FBXL2: variants seen among roughly 807,000 people sequenced by gnomAD.
FBXL2 encodes the protein F-box and leucine rich repeat protein 2.
FBXL2 carries 38 observed loss-of-function variants against 69.2 expected under a neutral mutation model. That is an observed-to-expected ratio of 0.55 (90% confidence interval 0.42 to 0.72). FBXL2 has a LOEUF of 0.72. Among genes scored for constraint, FBXL2 ranks in the 30% least tolerant of loss-of-function variants. The pLI is 0.00. For synonymous variants in FBXL2, 192 were observed against 201.3 expected (o/e 0.95, Z 0.39); for missense variants, 354 against 520.3 (o/e 0.68, Z 3.11).
intron 2 of FBXL2, among the ~76,000 whole-genome samples, chr3:33,317,206 G>T (rs967617137): frequency 7.2e-5 from 11 of 152,038 alleles, no homozygotes; most frequent in Non-Finnish European, 1.5e-4. Context: ...CCTAATATAT[G>T]AATTTTTCAT....
At chr3:33,380,453 G>A (rs758211653) in intron 13 of FBXL2, among the ~76,000 whole-genome samples, 60 of 151,568 alleles carry the variant, frequency 4.0e-4, no homozygotes, top group Middle Eastern at 3.4e-3. Context: ...AGCTACTAGG[G>A]AGGCTGAGGC....
chr3:33,350,824 A>T (rs1350291512), intron 2 of FBXL2, among the ~76,000 whole-genome samples: 1 of 152,130 alleles, frequency 6.6e-6, no homozygotes, highest in Non-Finnish European at 1.5e-5. Flanking sequence ...CCTGTTAATC[A>T]CAGTATTGGA....
the FBXL2 span, among the ~76,000 whole-genome samples, chr3:33,410,989 C>T: frequency 6.6e-6 from 1 of 150,812 alleles, no homozygotes; most frequent in African/African-American, 2.4e-5. Context: ...ATGAGAAGAG[C>T]TTGAATCTGG....
chr3:33,361,040 T>C (rs2041586951), intron 4 of FBXL2, among the ~76,000 whole-genome samples: 1 of 146,358 alleles, frequency 6.8e-6, no homozygotes, highest in South Asian at 2.3e-4. Context: ...CATGCGATTC[T>C]CCTGCCTCAG....
intron 2 of FBXL2, among the ~76,000 whole-genome samples, chr3:33,311,595 A>C (rs1304599890): frequency 6.6e-6 from 1 of 151,296 alleles, no homozygotes; most frequent in African/African-American, 2.4e-5. Context: ...TTTTCAGTTA[A>C]GTCATTGTGT....
At chr3:33,306,808 G>C (rs565056235) in intron 2 of FBXL2, among the ~76,000 whole-genome samples, 2 of 152,170 alleles carry the variant, frequency 1.3e-5, no homozygotes, top group African/African-American at 4.8e-5. Context: ...ACAATGTTTG[G>C]TTTTATCTTT....
chr3:33,315,591 T>A (rs927563329), intron 2 of FBXL2, among the ~76,000 whole-genome samples: 1 of 152,188 alleles, frequency 6.6e-6, no homozygotes, highest in Non-Finnish European at 1.5e-5. Flanking sequence ...CTTTTTTGTT[T>A]ACTCACTTTG....
rs975566139 is a variant in FBXL2, at chr3:33,332,573, G to A, written c.66-26394G>A. On this transcript the variant is annotated intron_variant, in intron 2 of 14. Transcript: ENST00000484457. ...TGAACTAATTGTGGTATAGTCATGCGTCACTTGACAGTGGAGCTGTATTTT... is the reference window on the plus strand; with the variant it reads ...TGAACTAATTGTGGTATAGTCATGCATCACTTGACAGTGGAGCTGTATTTT... 7.2e-5 allele frequency among the ~76,000 whole-genome samples: 11 copies of A among 152,216 alleles called. No individual in the cohort carries two copies. In the East Asian group the frequency reaches 9.6e-4, roughly 13 times the overall value.
In FBXL2 at chr3:33,373,574, T is replaced by A. The variant is rs768601920; in HGVS notation, c.456-4T>A. ...ACATAAGTTTTTGTTTCTTGTTCTC[T>A]CAGTGAGGGCTGCCGAAACCTGGAG... On this transcript the variant is annotated splice_polypyrimidine_tract_variant and splice_region_variant and intron_variant, in intron 7 of 14. Coordinates refer to ENST00000484457, the MANE Select transcript of FBXL2 (RefSeq NM_012157.5). 21 of 1,614,052 alleles carry A rather than the reference T, an allele frequency of 1.3e-5. No individual in the cohort carries two copies. The highest frequency in any genetic ancestry group is 1.4e-5 in the Non-Finnish European group (17 of 1,180,030).
chr3:33,334,569 A>T (rs1444530938), intron 2 of FBXL2, among the ~76,000 whole-genome samples: 1 of 152,244 alleles, frequency 6.6e-6, no homozygotes, highest in Admixed American at 6.5e-5. Flanking sequence ...AAGAGGTCTA[A>T]CATACATATA....
chr3:33,377,969 C>T (rs1252724766), intron 11 of FBXL2, 134 bp from the exon 12 acceptor site: 9 of 834,078 alleles, frequency 1.1e-5, no homozygotes, highest in African/African-American at 1.7e-5. Context: ...TACTGGGTAG[C>T]TTTAGGAAGA....
chr3:33,306,247 G>A (rs941103859), intron 2 of FBXL2, among the ~76,000 whole-genome samples: 2 of 149,394 alleles, frequency 1.3e-5, no homozygotes, highest in African/African-American at 2.5e-5. Context: ...TGACCCATAC[G>A]TGTTTTTTTA....
chr3:33,359,058 C>T, intron 3 of FBXL2, 37 bp downstream of exon 3: 8 of 1,373,802 alleles, frequency 5.8e-6, no homozygotes, highest in Non-Finnish European at 7.9e-6. Flanking sequence ...CAATAAATAT[C>T]AAGTTTTATT....
downstream of FBXL2, chr3:33,390,556 C>T (rs2043719477): frequency 1.6e-6 from 1 of 627,328 alleles, no homozygotes; most frequent in Non-Finnish European, 2.8e-6. Flanking sequence ...GTACACATTC[C>T]CTTTTTAGAC....
the FBXL2 span, chr3:33,416,658 T>C: frequency 3.3e-6 from 3 of 909,270 alleles, no homozygotes; most frequent in Non-Finnish European, 3.3e-6. Flanking sequence ...GTTAAAAAGT[T>C]GTAATACAAC....
chr3:33,401,920 T>G (rs525261), intron 12 of FBXL2, among the ~76,000 whole-genome samples: 111,811 of 151,986 alleles, frequency 0.74, 42,130 homozygotes, highest in Non-Finnish European at 0.84. Context: ...ACTCCTCTAA[T>G]TTTCTGAGTC....
At chr3:33,326,083 A>G (rs1208305051) in intron 2 of FBXL2, among the ~76,000 whole-genome samples, 1 of 152,228 alleles carries the variant, frequency 6.6e-6, no homozygotes, top group Non-Finnish European at 1.5e-5. Context: ...ATCAAACAAC[A>G]AAAGTACATA....
At chr3:33,382,267 TAAA>T (rs1280412878) in intron 13 of FBXL2, among the ~76,000 whole-genome samples, 3 of 152,156 alleles carry the variant, frequency 2.0e-5, no homozygotes, top group Admixed American at 6.5e-5. Context: ...TTTACTGAAG[TAAA>T]ATATACATGT....
intron 12 of FBXL2, chr3:33,396,341 A>C: frequency 8.2e-7 from 1 of 1,225,684 alleles, no homozygotes; most frequent in African/African-American, 1.5e-5. Context: ...ACATGTACAA[A>C]TATGACAACT....
Sources: gnomAD v4.1 joint callset for allele counts (sites outside exome capture counted in the v4.1 genomes callset) on GRCh38, gnomAD v4.1.1 for gene constraint, MANE v1.5 for transcripts, NCBI Gene and HGNC (gene_info 2026-07-23, HGNC 2026-07-21) for gene names.